PAQR9: variants seen among roughly 807,000 people sequenced by gnomAD.
PAQR9 encodes progestin and adipoQ receptor family member 9.
A neutral mutation model predicts 24.0 loss-of-function variants in PAQR9; 12 were observed. The ratio of observed to expected loss-of-function variants is 0.50; its 90% confidence interval spans 0.32 to 0.81. PAQR9 has a LOEUF of 0.81. Among genes scored for constraint, PAQR9 ranks in the 30% least tolerant of loss-of-function variants. The probability of loss-of-function intolerance (pLI) is 0.03; values close to 1 mark genes in which losing one functional copy is unlikely to be tolerated. For synonymous variants in PAQR9, 266 were observed against 237.6 expected (o/e 1.12, Z -1.10); for missense variants, 418 against 520.8 (o/e 0.80, Z 1.92).
At chr3:142,953,357 G>C (rs76355139), downstream of PAQR9, among the ~76,000 whole-genome samples, 10,941 of 152,160 alleles carry the variant, frequency 0.072, 1,215 homozygotes, top group African/African-American at 0.24. Context: ...CTTTGGGAAA[G>C]GGGACAAGAG....
downstream of PAQR9, chr3:142,951,516 A>G: frequency 2.9e-6 from 1 of 347,684 alleles, no homozygotes; most frequent in South Asian, 2.2e-5. Flanking sequence ...CTTACCTGAT[A>G]TATCAGTTTG....
At position 142,958,092 on chromosome 3, in the gene PAQR9, T is replaced by C. The variant is rs1578079913; in HGVS notation, c.*4111A>G. ...GTAGGTGCTCAAAGATCATGAAAGG[T>C]ATGATATGAGTGCATGAATGAACAG... On this transcript the variant is annotated 3_prime_UTR_variant, in exon 1 of 1. Coordinates refer to ENST00000340634, the MANE Select transcript of PAQR9 (RefSeq NM_198504.4). Among the ~76,000 whole-genome samples, 1 of 152,156 alleles carries C rather than the reference T, an allele frequency of 6.6e-6. No homozygotes were observed. Among genetic ancestry groups the C allele is most frequent in the South Asian group, 2.1e-4 (1 of 4,824 alleles).
At position 142,962,707 on chromosome 3, in the gene PAQR9, G is replaced by T. The variant is rs1485716261; in HGVS notation, c.630C>A (p.Arg210=). ...CGAAGGCCACAGGCAGCACCAGGGCGCGGTAGGCGGCGATAAGGCGCGTGC... is the reference window on the plus strand; with the variant it reads ...CGAAGGCCACAGGCAGCACCAGGGCTCGGTAGGCGGCGATAAGGCGCGTGC... ...VDCTRLIAAY[R]ALVLPVAFVL... The change falls in exon 1 of 1, where the codon CGC becomes CGA. Residue 210 remains arginine (R), a synonymous_variant. Coordinates refer to ENST00000340634, the MANE Select transcript of PAQR9 (RefSeq NM_198504.4). 3 of 1,612,620 alleles carry T rather than the reference G, an allele frequency of 1.9e-6. No homozygotes were observed. Among genetic ancestry groups the T allele is most frequent in the South Asian group, 2.2e-5 (2 of 90,912 alleles).
rs769252879 is a variant in PAQR9 at position 142,963,184 on chromosome 3, G to C, written c.153C>G (p.Pro51=). 6.3e-6 allele frequency: 10 copies of C among 1,587,392 alleles called. No individual in the cohort carries two copies. Among genetic ancestry groups the C allele is most frequent in the South Asian group, 5.7e-5 (5 of 87,652 alleles). ...AKPLLRWDEV[P]DDFVECFILS... ...GGATGAAGCACTCCACGAAGTCGTC[G>C]GGCACCTCGTCCCAGCGCAGCAGCG... The change falls in exon 1 of 1, where the codon CCC becomes CCG. Residue 51 remains proline, a synonymous_variant. Coordinates refer to ENST00000340634, the MANE Select transcript of PAQR9 (RefSeq NM_198504.4).
In PAQR9 at chr3:142,956,784, G is replaced by A. The variant is rs1367198500; in HGVS notation, c.*5419C>T. ...GGTTAGAAATCTGCAAACCAGAAAT[G>A]CAATACAGTTATCCTTTTTTAAATG... is the stretch of plus-strand genomic sequence containing the variant. On this transcript the variant is annotated 3_prime_UTR_variant, in exon 1 of 1. Coordinates refer to ENST00000340634, the MANE Select transcript of PAQR9 (RefSeq NM_198504.4). Among the ~76,000 whole-genome samples the A allele has an allele frequency of 1.3e-5, 2 of 152,122 alleles. No homozygotes were observed. The highest frequency in any genetic ancestry group is 2.4e-5 in the African/African-American group (1 of 41,416).
chr3:142,963,758 G>T, upstream of PAQR9: 1 of 939,958 alleles, frequency 1.1e-6, no homozygotes. Context: ...GCGGAGGGAG[G>T]GACGGGCGCA....
rs1200825476 is a variant in PAQR9 at position 142,958,230 on chromosome 3, T to A, written c.*3973A>T. Among the ~76,000 whole-genome samples, 2 of 152,240 alleles carry A rather than the reference T, an allele frequency of 1.3e-5. No homozygotes were observed. The highest frequency in any genetic ancestry group is 3.8e-4 in the East Asian group (2 of 5,204). On this transcript the variant is annotated 3_prime_UTR_variant, in exon 1 of 1. Transcript: ENST00000340634. The stretch of plus-strand genomic sequence containing the variant: ...TAACATTTTGTTTGAGATATTTTGA[T>A]CTAATTTCAAAGACAGCCCTATCTC...
chr3:142,963,744 A>T, upstream of PAQR9: 1 of 901,284 alleles, frequency 1.1e-6, no homozygotes, highest in Non-Finnish European at 1.3e-6. Context: ...GTGCGAGCCG[A>T]GGCGCGGAGG....
downstream of PAQR9, chr3:142,950,566 C>A (rs1387815608): frequency 1.3e-5 from 6 of 446,130 alleles, no homozygotes; most frequent in Middle Eastern, 1.3e-3. Flanking sequence ...AAATGGGAAC[C>A]TTCTGATGAG....
rs1329909899 is a variant in PAQR9 at position 142,958,052 on chromosome 3, A to T, written c.*4151T>A. The stretch of plus-strand genomic sequence containing the variant: ...TAATAATACGGATGGGTCCTTGCCC[A>T]ATGTCTTACACACAGTAGGTGCTCA... On this transcript the variant is annotated 3_prime_UTR_variant, in exon 1 of 1. Coordinates refer to ENST00000340634, the MANE Select transcript of PAQR9 (RefSeq NM_198504.4). Among the ~76,000 whole-genome samples the T allele has an allele frequency of 6.6e-6, 1 of 152,212 alleles. No individual in the cohort carries two copies. The highest frequency in any genetic ancestry group is 2.4e-5 in the African/African-American group (1 of 41,446).
In PAQR9 at chr3:142,963,261, C is replaced by T; in HGVS notation, c.76G>A (p.Ala26Thr). Residue 26 changes from alanine (A) to threonine (T), a missense_variant, in exon 1 of 1, where the codon GCC (alanine) becomes ACC (threonine). Coordinates refer to ENST00000340634, the MANE Select transcript of PAQR9 (RefSeq NM_198504.4). ...PAPAPAASGA[A>T]RNSHSAASRD... Reference sequence around the variant, plus strand: ...GAGGCGGCAGAGTGGGAGTTCCGGGCGGCCCCCGAAGCTGCCGGGGCCGGG... The same window carrying T: ...GAGGCGGCAGAGTGGGAGTTCCGGGTGGCCCCCGAAGCTGCCGGGGCCGGG... The T allele has an allele frequency of 6.6e-7, 1 of 1,522,876 alleles. No homozygotes were observed. Among genetic ancestry groups the T allele is most frequent in the Non-Finnish European group, 8.8e-7 (1 of 1,135,868 alleles). 94.3% of individuals were successfully genotyped at this position (1,522,876 alleles called of 1,614,324 possible).
chr3:142,952,168 A>C (rs890270240), downstream of PAQR9, among the ~76,000 whole-genome samples: 1 of 152,166 alleles, frequency 6.6e-6, no homozygotes, highest in African/African-American at 2.4e-5. Flanking sequence ...ATTGAGTAGA[A>C]GTAGTTGATG....
In PAQR9 at chr3:142,962,633, C is replaced by CA. The variant is rs1299895115; in HGVS notation, c.703dup (p.Trp235LeufsTer142). The CA allele has an allele frequency of 6.2e-7, 1 of 1,611,786 alleles. No individual in the cohort carries two copies. The highest frequency in any genetic ancestry group is 1.3e-5 in the African/African-American group (1 of 74,924). ...GCGCAGCGCGAACGGGTAGGTACAC[C>CA]AGTCGGTACGGCTCTTGCAGCAGGC... On this transcript the variant is annotated frameshift_variant, in exon 1 of 1. Transcript: ENST00000340634. LOFTEE classifies it high-confidence loss of function.
downstream of PAQR9, among the ~76,000 whole-genome samples, chr3:142,953,107 AG>A (rs894081639): frequency 2.6e-5 from 4 of 152,196 alleles, no homozygotes; most frequent in Admixed American, 1.3e-4. Flanking sequence ...CCTAGGCCAC[AG>A]GGGGTGATGG....
chr3:142,962,095 C>G lies in PAQR9; in HGVS notation c.*108G>C. On this transcript the variant is annotated 3_prime_UTR_variant, in exon 1 of 1. Coordinates refer to ENST00000340634, the MANE Select transcript of PAQR9 (RefSeq NM_198504.4). ...TTTCCCTATGGTTTTGCAGCACCTT[C>G]CTTGAGCAAAGAAGAAAACACAATG... is the stretch of plus-strand genomic sequence containing the variant. 1 of 1,318,652 alleles carries G rather than the reference C, an allele frequency of 7.6e-7. No homozygotes were observed. Among genetic ancestry groups the G allele is most frequent in the South Asian group, 1.3e-5 (1 of 74,290 alleles). 81.7% of individuals were successfully genotyped at this position (1,318,652 alleles called of 1,614,324 possible).
In PAQR9 at chr3:142,957,684, G is replaced by C. The variant is rs1218617463; in HGVS notation, c.*4519C>G. On this transcript the variant is annotated 3_prime_UTR_variant, in exon 1 of 1. Coordinates refer to ENST00000340634, the MANE Select transcript of PAQR9 (RefSeq NM_198504.4). ...TATGAATACTATCAATCTTCCAATA[G>C]TTATCGTTATTAGTGTTTTCATAAT... Among the ~76,000 whole-genome samples, 1 of 152,098 alleles carries C rather than the reference G, an allele frequency of 6.6e-6. No individual in the cohort carries two copies. Among genetic ancestry groups the C allele is most frequent in the African/African-American group, 2.4e-5 (1 of 41,400 alleles).
Position 142,962,719 on chromosome 3 carries a change from G to C in PAQR9, c.618C>G (p.Ile206Met). ...LGWHVDCTRL[I>M]AAYRALVLPV... ...GCAGCACCAGGGCGCGGTAGGCGGC[G>C]ATAAGGCGCGTGCAGTCCACGTGCC... is the stretch of plus-strand genomic sequence containing the variant. Residue 206 changes from isoleucine to methionine, a missense_variant, in exon 1 of 1, where the codon ATC (isoleucine) becomes ATG (methionine). This residue lies in a region of PAQR9 where 230 missense variants were observed against 305.2 expected (regional missense o/e 0.75). Transcript: ENST00000340634. The C allele has an allele frequency of 6.2e-7, 1 of 1,612,524 alleles. No homozygotes were observed. The highest frequency in any genetic ancestry group is 8.5e-7 in the Non-Finnish European group (1 of 1,179,644).
At chr3:142,952,047 A>AG (rs77953878), downstream of PAQR9, among the ~76,000 whole-genome samples, 17,113 of 102,496 alleles carry the variant, frequency 0.17, 1,145 homozygotes, top group East Asian at 0.25. Flanking sequence ...GTGAAAAAGA[A>AG]GGGGGGGGGG....
exon 3 of PAQR9, chr3:142,949,216 T>G: frequency 6.6e-6 from 1 of 152,234 alleles, no homozygotes; most frequent in Non-Finnish European, 1.5e-5. Context: ...TTAAACCTGT[T>G]TCCTTTTGTA....
Sources: allele counts gnomAD v4.1 joint callset (sites outside exome capture counted in the v4.1 genomes callset), GRCh38; gene constraint gnomAD v4.1.1; regional missense constraint gnomAD v4.1.1; transcripts MANE v1.5; gene names NCBI Gene and HGNC (gene_info 2026-07-23, HGNC 2026-07-21).